NOX3: variants seen among roughly 807,000 people sequenced by gnomAD.
The protein encoded by NOX3 is NADPH oxidase catalytic subunit-like 3.
Under a neutral mutation model 76.7 loss-of-function variants are expected in NOX3, and 74 were observed. The observed-to-expected ratio is 0.96, with a 90% CI of 0.80 to 1.17. The LOEUF is 1.17. Ranked by LOEUF, NOX3 falls within the 50% of genes most tolerant of loss-of-function variation. NOX3 has a pLI of 0.00. For missense variants in NOX3, 695 were observed against 703.3 expected (o/e 0.99, Z 0.13); for synonymous variants, 263 against 261.1 (o/e 1.01, Z -0.07).
At chr6:155,431,610 A>C (rs1163299541) in intron 7 of NOX3, among the ~76,000 whole-genome samples, 1 of 152,230 alleles carries the variant, frequency 6.6e-6, no homozygotes, top group African/African-American at 2.4e-5. Flanking sequence ...TATAATGTGC[A>C]TTACTGATGA....
intron 13 of NOX3, 29 bp downstream of exon 13, chr6:155,396,780 C>G: frequency 1.3e-6 from 2 of 1,566,696 alleles, no homozygotes; most frequent in African/African-American, 1.4e-5. Flanking sequence ...GTTTCCCAAT[C>G]CCTGACCTGT....
chr6:155,449,066 T>C (rs1203325240), intron 4 of NOX3, among the ~76,000 whole-genome samples: 1 of 152,170 alleles, frequency 6.6e-6, no homozygotes. Flanking sequence ...CAGGGGGAAC[T>C]GGTTAGGAGC....
chr6:155,403,723 C>T (rs773251079), intron 12 of NOX3, among the ~76,000 whole-genome samples: 5 of 152,192 alleles, frequency 3.3e-5, no homozygotes, highest in East Asian at 1.9e-4. Context: ...TTACTCCCTG[C>T]GAAAAAATTG....
chr6:155,426,285 A>G (rs952472939), intron 9 of NOX3, among the ~76,000 whole-genome samples: 1 of 152,208 alleles, frequency 6.6e-6, no homozygotes, highest in Non-Finnish European at 1.5e-5. Context: ...TGAGTGACTG[A>G]CAGTCAGGGC....
intron 1 of NOX3, 88 bp from the exon 2 acceptor site, chr6:155,455,217 G>T: frequency 1.3e-6 from 1 of 768,330 alleles, no homozygotes; most frequent in Non-Finnish European, 2.2e-6. Flanking sequence ...TTTTAAAGTG[G>T]AATGAAGAGC....
chr6:155,429,114 T>A, intron 8 of NOX3, 67 bp from the exon 9 acceptor site: 3 of 1,411,748 alleles, frequency 2.1e-6, no homozygotes, highest in Non-Finnish European at 2.8e-6. Context: ...TTTCATTCCA[T>A]CAAAGGTGTT....
At chr6:155,410,566 A>T (rs1776529232) in intron 11 of NOX3, among the ~76,000 whole-genome samples, 1 of 152,236 alleles carries the variant, frequency 6.6e-6, no homozygotes, top group African/African-American at 2.4e-5. Flanking sequence ...AAATACTACC[A>T]TAGTCAATAT....
At chr6:155,436,151 A>G (rs2114699684) in intron 7 of NOX3, among the ~76,000 whole-genome samples, 1 of 152,326 alleles carries the variant, frequency 6.6e-6, no homozygotes, top group Middle Eastern at 3.4e-3. Context: ...TCCTCCAGGG[A>G]CATCATTGTG....
Position 155,436,456 on chromosome 6 carries a change from G to A in NOX3, c.760C>T (p.Gln254Ter), listed in dbSNP as rs1327572365. The stretch of plus-strand genomic sequence containing the variant: ...CCAGAAAATTGAGGCACGGGGCATT[G>A]GGCCACTGTCTGCCATTCTGCATAG... ...DRYAEWQTVA[Q>*]CPVPQFSGKE... The change falls in exon 7 of 14, where the codon CAA becomes TAA. Residue 254 changes from glutamine to a stop codon, truncating the protein, a stop_gained. Coordinates refer to ENST00000159060, the MANE Select transcript of NOX3 (RefSeq NM_015718.3). LOFTEE classifies it high-confidence loss of function. The A allele has an allele frequency of 1.2e-6, 2 of 1,614,096 alleles. No homozygotes were observed. Among genetic ancestry groups the A allele is most frequent in the Non-Finnish European group, 1.7e-6 (2 of 1,179,994 alleles).
At chr6:155,417,284 A>G (rs1186567185) in intron 10 of NOX3, among the ~76,000 whole-genome samples, 1 of 152,242 alleles carries the variant, frequency 6.6e-6, no homozygotes, top group African/African-American at 2.4e-5. Context: ...TGCATGGAAA[A>G]GGAATGGAAT....
chr6:155,404,313 C>T (rs749971964), intron 12 of NOX3, among the ~76,000 whole-genome samples: 5 of 151,892 alleles, frequency 3.3e-5, no homozygotes, highest in Non-Finnish European at 7.4e-5. Flanking sequence ...CACTGGGGGC[C>T]CTGGAGCCAG....
chr6:155,444,572 T>C (rs573985579), intron 4 of NOX3, among the ~76,000 whole-genome samples: 91 of 152,362 alleles, frequency 6.0e-4, no homozygotes, highest in African/African-American at 2.1e-3. Context: ...ATGTGGAAGT[T>C]GCTAAGATCT....
chr6:155,425,438 T>C (rs1411346210), intron 9 of NOX3, among the ~76,000 whole-genome samples: 1 of 152,154 alleles, frequency 6.6e-6, no homozygotes, highest in Non-Finnish European at 1.5e-5. Flanking sequence ...GTCCTGTGAG[T>C]CCTTGCTGGG....
chr6:155,455,808 G>T lies in NOX3; in HGVS notation c.-8C>A. ...AATCCAGCACCCCATCATGATACTT[G>T]TTGCTCTTCGGCTGTCAGGAAATTT... On this transcript the variant is annotated 5_prime_UTR_variant, in exon 1 of 14. Transcript: ENST00000159060. 1 of 1,613,686 alleles carries T rather than the reference G, an allele frequency of 6.2e-7. No individual in the cohort carries two copies. Among genetic ancestry groups the T allele is most frequent in the Non-Finnish European group, 8.5e-7 (1 of 1,179,646 alleles).
chr6:155,446,069 C>T (rs1432232515), intron 4 of NOX3, among the ~76,000 whole-genome samples: 3 of 150,016 alleles, frequency 2.0e-5, no homozygotes, highest in Non-Finnish European at 4.4e-5. Context: ...CAGGTTGAGG[C>T]TCACCCAAGA....
At chr6:155,416,775 G>A (rs1266796297) in intron 10 of NOX3, among the ~76,000 whole-genome samples, 1 of 95,418 alleles carries the variant, frequency 1.0e-5, no homozygotes, top group Non-Finnish European at 2.0e-5. Flanking sequence ...TTTTGAGACG[G>A]AGTCTCGCGC....
intron 11 of NOX3, among the ~76,000 whole-genome samples, chr6:155,409,691 C>T (rs1414488158): frequency 6.6e-6 from 1 of 152,100 alleles, no homozygotes; most frequent in African/African-American, 2.4e-5. Flanking sequence ...CAGAATGCAC[C>T]AATTATTTTT....
intron 4 of NOX3, among the ~76,000 whole-genome samples, chr6:155,447,488 C>T (rs1257727631): frequency 6.6e-6 from 1 of 152,160 alleles, no homozygotes; most frequent in African/African-American, 2.4e-5. Flanking sequence ...TTTACTTATT[C>T]TTGTTGCCAG....
chr6:155,407,895 C>T (rs887037129), intron 11 of NOX3, among the ~76,000 whole-genome samples: 52 of 152,288 alleles, frequency 3.4e-4, no homozygotes, highest in South Asian at 2.1e-4. Flanking sequence ...TCCATCCAGG[C>T]GTCATGTAGC....
Sources: allele counts gnomAD v4.1 joint callset (sites outside exome capture counted in the v4.1 genomes callset), GRCh38; gene constraint gnomAD v4.1.1; transcripts MANE v1.5; gene names NCBI Gene and HGNC (gene_info 2026-07-23, HGNC 2026-07-21).